The following ESRRG variants were observed in gnomAD, a reference collection of about 807,000 sequenced individuals.
The protein encoded by ESRRG is estrogen-related receptor gamma.
A neutral mutation model predicts 44.0 loss-of-function variants in ESRRG; 13 were observed. That is an observed-to-expected ratio of 0.30 (90% CI 0.19 to 0.47). The LOEUF (loss-of-function observed/expected upper bound fraction) is 0.47, where lower values mean the gene tolerates loss of function less well. Ranked by LOEUF, ESRRG falls within the 20% of genes least tolerant of loss-of-function variation. ESRRG has a pLI of 1.00. For synonymous variants in ESRRG, 215 were observed against 214.6 expected (o/e 1.00, Z -0.02); for missense variants, 395 against 580.6 (o/e 0.68, Z 3.29).
chr1:216,728,008 T>G (rs771009533), upstream of ESRRG, among the ~76,000 whole-genome samples: 8 of 152,182 alleles, frequency 5.3e-5, no homozygotes, highest in Non-Finnish European at 1.2e-4. Flanking sequence ...ATAATACACA[T>G]GGTGAAATGT....
Position 216,858,551 on chromosome 1 carries a change from G to C in ESRRG, c.-14+81031C>G, listed in dbSNP as rs185060053. Among the ~76,000 whole-genome samples the C allele has an allele frequency of 2.5e-3, 374 of 152,234 alleles. 1 individual carries two copies. Among genetic ancestry groups the C allele is most frequent in the Non-Finnish European group, 8.2e-4 (56 of 68,008 alleles). ...GTAGTGAGTGACTCTCAAATGCTGG[G>C]CATGGGCAGACCTAACATATTTACT... On this transcript the variant is annotated intron_variant, in intron 2 of 7. Coordinates refer to the ESRRG transcript ENST00000359162.
intron 2 of ESRRG, among the ~76,000 whole-genome samples, chr1:216,656,099 T>A (rs1361945839): frequency 2.0e-5 from 3 of 152,156 alleles, no homozygotes; most frequent in African/African-American, 7.2e-5. Context: ...ATATTTCCAA[T>A]AGCAACTATG....
At position 217,026,594 on chromosome 1, in the gene ESRRG, C is replaced by T. The variant is rs536108586; in HGVS notation, c.-106+62913G>A. ...CCATTTGATAACACATGTGGCTATC[C>T]GCTTGTGGGTATCTAATTTGGAGTA... is the stretch of plus-strand genomic sequence containing the variant. On this transcript the variant is annotated intron_variant, in intron 1 of 7. Transcript: ENST00000359162. 8.7e-4 allele frequency among the ~76,000 whole-genome samples: 133 copies of T among 152,176 alleles called. 1 individual carries two copies. The highest frequency in any genetic ancestry group is 3.5e-3 in the South Asian group (17 of 4,820).
At chr1:216,592,674 ATT>A (rs1486357733) in intron 3 of ESRRG, among the ~76,000 whole-genome samples, 1 of 151,900 alleles carries the variant, frequency 6.6e-6, no homozygotes, top group African/African-American at 2.4e-5. Context: ...CTAATTTTGT[ATT>A]TTTAGTAGAG....
At chr1:216,690,160 C>T (rs2078798988) in intron 1 of ESRRG, among the ~76,000 whole-genome samples, 1 of 152,070 alleles carries the variant, frequency 6.6e-6, no homozygotes, top group South Asian at 2.1e-4. Context: ...ATGTGTATCA[C>T]AGCTTTATTT....
At position 216,760,045 on chromosome 1, in the gene ESRRG, G is replaced by A. The variant is rs192102918; in HGVS notation, c.-13-82554C>T. 2.6e-3 allele frequency among the ~76,000 whole-genome samples: 396 copies of A among 152,056 alleles called. 1 individual carries two copies. Among genetic ancestry groups the A allele is most frequent in the African/African-American group, 9.1e-3 (378 of 41,500 alleles). ...AAGTGTCCCTCTGATTGGTTTCCAC[G>A]GCATCCAGGATTTTCCCACATCCTG... On this transcript the variant is annotated intron_variant, in intron 2 of 7. Coordinates refer to the ESRRG transcript ENST00000359162.
intron 5 of ESRRG, among the ~76,000 whole-genome samples, chr1:216,531,879 T>C (rs1182837317): frequency 6.6e-6 from 1 of 152,110 alleles, no homozygotes; most frequent in Non-Finnish European, 1.5e-5. Context: ...TTTACCTTTG[T>C]ATCCCACCTC....
intron 1 of ESRRG, among the ~76,000 whole-genome samples, chr1:217,004,220 A>G (rs1227139715): frequency 6.6e-6 from 1 of 152,184 alleles, no homozygotes; most frequent in East Asian, 1.9e-4. Context: ...TTTAAAAGAA[A>G]GAAGAATGGA....
Position 216,587,351 on chromosome 1 carries a change from T to A in ESRRG, c.590-19253A>T, listed in dbSNP as rs553587208. 4.6e-5 allele frequency among the ~76,000 whole-genome samples: 7 copies of A among 152,294 alleles called. No homozygotes were observed. The South Asian group carries it at 1.2e-3, about 27-fold the overall frequency. The stretch of plus-strand genomic sequence containing the variant: ...GAATAGCAATTTTATAGTAATCTGA[T>A]AAAGAAGCATTTGGACCTTTGGGGA... On this transcript the variant is annotated intron_variant, in intron 3 of 6. Coordinates refer to ENST00000408911, the MANE Select transcript of ESRRG (RefSeq NM_001438.4).
At position 216,823,738 on chromosome 1, in the gene ESRRG, T is replaced by G. The variant is rs535962806; in HGVS notation, c.-14+115844A>C. On this transcript the variant is annotated intron_variant, in intron 2 of 7. Coordinates refer to the ESRRG transcript ENST00000359162. ...ACTTAATAGAGCCACCCATTTCTGA[T>G]AGGAATGCAAGCTTTCTTTACAAGA... 2.6e-5 allele frequency among the ~76,000 whole-genome samples: 4 copies of G among 152,314 alleles called. No individual in the cohort carries two copies. In the South Asian group the frequency reaches 8.3e-4, roughly 32 times the overall value.
At chr1:216,826,232 G>A (rs548276526) in intron 2 of ESRRG, among the ~76,000 whole-genome samples, 77 of 151,098 alleles carry the variant, frequency 5.1e-4, no homozygotes, top group African/African-American at 1.7e-3. Context: ...GGGACATACG[G>A]ACGGCATGCA....
chr1:216,754,651 G>A (rs4285770), intron 2 of ESRRG, among the ~76,000 whole-genome samples: 47,370 of 149,546 alleles, frequency 0.32, 7,495 homozygotes, highest in South Asian at 0.37. Flanking sequence ...ACTAATTTCA[G>A]ATTTTATTCC....
At chr1:216,926,412 GAA>G (rs35546963) in intron 2 of ESRRG, among the ~76,000 whole-genome samples, 8,114 of 127,822 alleles carry the variant, frequency 0.063, 258 homozygotes, top group Middle Eastern at 0.12. Flanking sequence ...TAACACCTAT[GAA>G]AAAAAAAAAA....
chr1:216,637,574 A>G (rs750419302), intron 3 of ESRRG, among the ~76,000 whole-genome samples: 10 of 152,254 alleles, frequency 6.6e-5, no homozygotes, highest in Non-Finnish European at 1.5e-4. Flanking sequence ...AGACATCATT[A>G]TAAATATCAG....
At chr1:216,798,449 A>G (rs1387303075) in intron 2 of ESRRG, among the ~76,000 whole-genome samples, 2 of 152,198 alleles carry the variant, frequency 1.3e-5, no homozygotes, top group African/African-American at 4.8e-5. Flanking sequence ...AGGAAGCACT[A>G]TAGTACAGTG....
At chr1:217,118,334 G>C (rs1047984230) in intron 1 of ESRRG, among the ~76,000 whole-genome samples, 9 of 152,188 alleles carry the variant, frequency 5.9e-5, no homozygotes, top group Admixed American at 3.3e-4. Flanking sequence ...GGCTGTCTTT[G>C]TGGCCTGCAG....
chr1:216,895,508 T>C (rs757975940), intron 2 of ESRRG, among the ~76,000 whole-genome samples: 40 of 152,236 alleles, frequency 2.6e-4, no homozygotes, highest in Non-Finnish European at 4.1e-4. Flanking sequence ...GAATTTTTTC[T>C]TCAGCTCTAA....
chr1:216,660,725 T>C (rs2072101103), intron 2 of ESRRG, among the ~76,000 whole-genome samples: 1 of 152,182 alleles, frequency 6.6e-6, no homozygotes, highest in Non-Finnish European at 1.5e-5. Flanking sequence ...CTTGGCATTG[T>C]CTTTTGCTGT....
chr1:217,049,494 A>T (rs1377831122), intron 1 of ESRRG, among the ~76,000 whole-genome samples: 2 of 152,218 alleles, frequency 1.3e-5, no homozygotes, highest in African/African-American at 2.4e-5. Context: ...AAAAGAGAAG[A>T]TATACTATGC....
Sources: gnomAD v4.1 joint callset for allele counts (sites outside exome capture counted in the v4.1 genomes callset) on GRCh38, gnomAD v4.1.1 for gene constraint, MANE v1.5 for transcripts, NCBI Gene and HGNC (gene_info 2026-07-23, HGNC 2026-07-21) for gene names.